The following GATA5 variants were observed in gnomAD, a reference collection of about 807,000 sequenced individuals.
GATA5 encodes transcription factor GATA-5.
A neutral mutation model predicts 35.0 loss-of-function variants in GATA5; 27 were observed. The ratio of observed to expected loss-of-function variants is 0.77; its 90% confidence interval spans 0.57 to 1.06. The LOEUF (loss-of-function observed/expected upper bound fraction) is 1.06, where lower values mean the gene tolerates loss of function less well. Ranked by LOEUF, GATA5 falls within the 50% of genes least tolerant of loss-of-function variation. The probability of loss-of-function intolerance (pLI) is 0.00; values close to 1 mark genes in which losing one functional copy is unlikely to be tolerated. For synonymous variants in GATA5, 306 were observed against 267.8 expected (o/e 1.14, Z -1.39); for missense variants, 612 against 580.0 (o/e 1.06, Z -0.57).
Position 62,473,598 on chromosome 20 carries a change from G to C in GATA5, c.524-20C>G. On this transcript the variant is annotated intron_variant, in intron 2 of 6. Transcript: ENST00000252997. ...CGGACACTGAGGGGACAGGCAGCTG[G>C]TGGGCCCGGGCCCTCCCCTCCCCAG... 6.4e-7 allele frequency: 1 copy of C among 1,566,856 alleles called. No homozygotes were observed. The highest frequency in any genetic ancestry group is 8.7e-7 in the Non-Finnish European group (1 of 1,155,026).
At position 62,464,877 on chromosome 20, in the gene GATA5, C is replaced by T. The variant is rs781950321; in HGVS notation, c.1153G>A (p.Ala385Thr). ...GCACACCAGGCCTCTTGGCGCAGAG[C>T]CCCCCTGAGGCCAGCCTGGGGGCTT... ...APSPQAGLRG[A>T]LRQEAWCALA... Residue 385 changes from alanine to threonine, a missense_variant, in exon 7 of 7, where the codon GCT becomes ACT. Transcript: ENST00000252997. The T allele has an allele frequency of 8.7e-6, 14 of 1,609,364 alleles. No individual in the cohort carries two copies. Among genetic ancestry groups the T allele is most frequent in the Admixed American group, 3.4e-5 (2 of 59,554 alleles).
Position 62,464,687 on chromosome 20 carries a change from C to T in GATA5, c.*149G>A. ...CGACTGCCGTCTGTCCAGAAGGCCT[C>T]CCCACCACTGTGTGGAGACTCCAGC... On this transcript the variant is annotated 3_prime_UTR_variant, in exon 7 of 7. Transcript: ENST00000252997. The T allele has an allele frequency of 1.4e-6, 1 of 693,722 alleles. No individual in the cohort carries two copies. Among genetic ancestry groups the T allele is most frequent in the Non-Finnish European group, 2.3e-6 (1 of 433,998 alleles). 43.0% of individuals were successfully genotyped at this position (693,722 alleles called of 1,614,324 possible). A position where few individuals can be genotyped will look rare whatever the true frequency, so the allele number is the denominator to read the frequency against.
rs1555897038 is a variant in GATA5, at chr20:62,475,355, G to A, written c.167C>T (p.Pro56Leu). Residue 56 changes from proline (P) to leucine (L), a missense_variant, in exon 2 of 7, where the codon CCC (proline) becomes CTC (leucine). Pro to Leu is a moderately conservative substitution (Grantham distance 98). Coordinates refer to ENST00000252997, the MANE Select transcript of GATA5 (RefSeq NM_080473.5). The part of the protein sequence containing the change: ...LSGCEPSPQP[P>L]ELAARPGWAQ... Reference sequence around the variant, plus strand: ...CCAGCCGGGGCGCGCAGCGAGCTCGGGGGGCTGCGGGCTCGGCTCACACCC... The same window carrying A: ...CCAGCCGGGGCGCGCAGCGAGCTCGAGGGGCTGCGGGCTCGGCTCACACCC... 1 of 1,260,066 alleles carries A rather than the reference G, an allele frequency of 7.9e-7. No homozygotes were observed. The highest frequency in any genetic ancestry group is 1.0e-6 in the Non-Finnish European group (1 of 1,001,338). 78.1% of individuals were successfully genotyped at this position (1,260,066 alleles called of 1,614,324 possible). A position where few individuals can be genotyped will look rare whatever the true frequency, so the allele number is the denominator to read the frequency against.
At position 62,473,458 on chromosome 20, in the gene GATA5, AGGCCGCAGGCATTGCACAGGTAGT is replaced by A; in HGVS notation, c.620_643del (p.His207_Gly214del). ...GTTGACGCCATTCATCTTGTGGTAG[AGGCCGCAGGCATTGCACAGGTAGT>A]GGCCGGTGCCGTCTCGGCGCCACAG... On this transcript the variant is annotated inframe_deletion, in exon 3 of 7. Transcript: ENST00000252997. 6.2e-7 allele frequency: 1 copy of A among 1,611,472 alleles called. No homozygotes were observed. Among genetic ancestry groups the A allele is most frequent in the Middle Eastern group, 1.7e-4 (1 of 6,054 alleles).
In GATA5 at chr20:62,465,972, G is replaced by A. The variant is rs375312898; in HGVS notation, c.826-51C>T. The A allele has an allele frequency of 8.2e-6, 11 of 1,337,648 alleles. No homozygotes were observed. The African/African-American group carries it at 1.5e-4, about 18-fold the overall frequency. 82.9% of individuals were successfully genotyped at this position (1,337,648 alleles called of 1,614,324 possible). A position where few individuals can be genotyped will look rare whatever the true frequency, so the allele number is the denominator to read the frequency against. ...CTGGTCCCATCCCTGCTCACCCCGG[G>A]CCCCTTGCACAGCACCCCCTCATTC... On this transcript the variant is annotated intron_variant, in intron 4 of 6. Coordinates refer to ENST00000252997, the MANE Select transcript of GATA5 (RefSeq NM_080473.5).
At chr20:62,471,114 C>T (rs1219717451) in intron 3 of GATA5, among the ~76,000 whole-genome samples, 1 of 152,118 alleles carries the variant, frequency 6.6e-6, no homozygotes. Flanking sequence ...ATGCCCCAGC[C>T]CAGGAGTCTG....
chr20:62,473,268 G>C, intron 3 of GATA5, 135 bp downstream of exon 3: 1 of 936,258 alleles, frequency 1.1e-6, no homozygotes, highest in Non-Finnish European at 1.6e-6. Context: ...GACCCACCGG[G>C]GCGGGCACCC....
At chr20:62,467,903 C>G (rs1204411539) in intron 3 of GATA5, among the ~76,000 whole-genome samples, 1 of 152,058 alleles carries the variant, frequency 6.6e-6, no homozygotes, top group Non-Finnish European at 1.5e-5. Context: ...TGAGCAGACA[C>G]AGCCAGCCTC....
intron 1 of GATA5, 112 bp from the exon 2 acceptor site, chr20:62,475,654 A>T (rs1989844081): frequency 1.2e-5 from 8 of 688,144 alleles, no homozygotes; most frequent in Non-Finnish European, 1.6e-5. Flanking sequence ...CCCAGTCCCC[A>T]GCCCGGGACG....
chr20:62,474,715 CA>C (rs1989809513), intron 2 of GATA5, among the ~76,000 whole-genome samples: 1 of 152,224 alleles, frequency 6.6e-6, no homozygotes, highest in Non-Finnish European at 1.5e-5. Context: ...AAAACAAAAA[CA>C]AAAACGATTA....
rs782595656 is a variant in GATA5 at position 62,473,484 on chromosome 20, G to A, written c.618C>T (p.Gly206=). 1.2e-6 allele frequency: 2 copies of A among 1,611,242 alleles called. No individual in the cohort carries two copies. The highest frequency in any genetic ancestry group is 1.7e-6 in the Non-Finnish European group (2 of 1,179,202). Residue 206 remains glycine (G), a synonymous_variant, in exon 3 of 7, where the codon GGC becomes GGT. Transcript: ENST00000252997. ...STPLWRRDGT[G]HYLCNACGLY... ...GGCCGCAGGCATTGCACAGGTAGTG[G>A]CCGGTGCCGTCTCGGCGCCACAGCG...
In GATA5 at chr20:62,466,542, G is replaced by C; in HGVS notation, c.709C>G (p.Arg237Gly). 6.4e-7 allele frequency: 1 copy of C among 1,552,214 alleles called. No homozygotes were observed. Among genetic ancestry groups the C allele is most frequent in the Non-Finnish European group, 8.7e-7 (1 of 1,148,692 alleles). ...TTGGTGCAGCAGAGGCCGGCGCGGC[G>C]GGACGAGGACTGTGGGGGCGAGGGA... is the stretch of plus-strand genomic sequence containing the variant. ...VRPQKRLSSS[R>G]RAGLCCTNCH... The change falls in exon 4 of 7, where the codon CGC becomes GGC. Residue 237 changes from arginine to glycine, a missense_variant. Physicochemically the swap from Arg to Gly is moderately radical, Grantham distance 125 (BLOSUM62 -2). Coordinates refer to ENST00000252997, the MANE Select transcript of GATA5 (RefSeq NM_080473.5).
chr20:62,471,448 T>TTTTTTTTTG (rs1216745509), intron 3 of GATA5, among the ~76,000 whole-genome samples: 1 of 142,274 alleles, frequency 7.0e-6, no homozygotes, highest in Non-Finnish European at 1.5e-5. Context: ...TTTTTTTTTT[T>TTTTTTTTTG]TGTGATGAGG....
At chr20:62,468,614 A>AG (rs1325969249) in intron 3 of GATA5, among the ~76,000 whole-genome samples, 1 of 152,226 alleles carries the variant, frequency 6.6e-6, no homozygotes, top group Non-Finnish European at 1.5e-5. Flanking sequence ...TCCATGACAA[A>AG]GGGGCAGAAA....
intron 3 of GATA5, among the ~76,000 whole-genome samples, chr20:62,472,583 G>GCC: frequency 6.6e-6 from 1 of 152,230 alleles, no homozygotes; most frequent in Non-Finnish European, 1.5e-5. Context: ...TGACCCAGGT[G>GCC]CCACTGTGGC....
Position 62,475,550 on chromosome 20 carries a change from G to A in GATA5, c.-21-8C>T, listed in dbSNP as rs1989841167. The A allele has an allele frequency of 7.9e-7, 1 of 1,259,198 alleles. No homozygotes were observed. Among genetic ancestry groups the A allele is most frequent in the East Asian group, 3.1e-5 (1 of 32,764 alleles). The allele number at this position is 1,259,198 out of a possible 1,614,324, so 78.0% of individuals were successfully genotyped here. A position where few individuals can be genotyped will look rare whatever the true frequency, so the allele number is the denominator to read the frequency against. Reference sequence around the variant, plus strand: ...CCCAGGCGTGGTCTTGACCTGCAGGGAAGAGGGACAGGTGTGGAGGTCACG... The same window carrying A: ...CCCAGGCGTGGTCTTGACCTGCAGGAAAGAGGGACAGGTGTGGAGGTCACG... On this transcript the variant is annotated splice_region_variant and splice_polypyrimidine_tract_variant and intron_variant, in intron 1 of 6. Transcript: ENST00000252997.
chr20:62,471,229 G>A (rs1337220095), intron 3 of GATA5, among the ~76,000 whole-genome samples: 10 of 151,970 alleles, frequency 6.6e-5, no homozygotes, highest in Non-Finnish European at 1.3e-4. Context: ...AGAGTGTCCC[G>A]GTGCTCAGTT....
rs1555897036 is a variant in GATA5 at position 62,475,350 on chromosome 20, G to A, written c.172C>T (p.Leu58Phe). 4 of 1,258,528 alleles carry A rather than the reference G, an allele frequency of 3.2e-6. No homozygotes were observed. Among genetic ancestry groups the A allele is most frequent in the Non-Finnish European group, 4.0e-6 (4 of 1,000,688 alleles). The allele number at this position is 1,258,528 out of a possible 1,614,324, so 78.0% of individuals were successfully genotyped here. ...TGCGCCCAGCCGGGGCGCGCAGCGA[G>A]CTCGGGGGGCTGCGGGCTCGGCTCA... is the stretch of plus-strand genomic sequence containing the variant. The part of the protein sequence containing the change: ...GCEPSPQPPE[L>F]AARPGWAQTA... The change falls in exon 2 of 7, where the codon CTC becomes TTC. Residue 58 changes from leucine to phenylalanine, a missense_variant. By Grantham distance (22) the Leu-to-Phe change is conservative (BLOSUM62 0). Transcript: ENST00000252997.
Position 62,466,429 on chromosome 20 carries a change from G to T in GATA5, c.822C>A (p.His274Gln). Residue 274 changes from histidine (H) to glutamine (Q), a missense_variant, in exon 4 of 7, where the codon CAC becomes CAA. Physicochemically the swap from His to Gln is conservative, Grantham distance 24. Transcript: ENST00000252997. ...CNACGLYMKL[H>Q]GVPRPLAMKK... ...CTGCCCCGGGGACCACACTCACCCC[G>T]TGCAGCTTCATGTAGAGGCCGCAGG... is the stretch of plus-strand genomic sequence containing the variant. The T allele has an allele frequency of 6.3e-7, 1 of 1,584,896 alleles. No individual in the cohort carries two copies.
Sources: allele counts gnomAD v4.1 joint callset (sites outside exome capture counted in the v4.1 genomes callset), GRCh38; gene constraint gnomAD v4.1.1; transcripts MANE v1.5; gene names NCBI Gene and HGNC (gene_info 2026-07-23, HGNC 2026-07-21).